MAP7D2: variants seen among roughly 807,000 people sequenced by gnomAD.
MAP7D2 encodes MAP7 domain-containing protein 2.
In MAP7D2, 33 loss-of-function variants were observed where a neutral mutation model predicts 63.5. That is an observed-to-expected ratio of 0.52 (90% CI 0.39 to 0.70). The LOEUF is 0.70. MAP7D2 is among the 30% of genes least tolerant of loss of function. MAP7D2 has a pLI of 0.00. For missense variants in MAP7D2, 626 were observed against 604.0 expected, an observed-to-expected ratio of 1.04 and a Z score of -0.38; for synonymous variants, 224 against 223.7, an observed-to-expected ratio of 1.00 and a Z score of -0.01.
chrX:20,049,408 A>G (rs2064886990), intron 6 of MAP7D2, among the ~76,000 whole-genome samples: 1 of 107,429 alleles, frequency 9.3e-6, no homozygotes, highest in Non-Finnish European at 1.9e-5. Flanking sequence ...AGTAGCTGGG[A>G]TTACAGGTGT....
chrX:20,059,961 G>C (rs2065166877), intron 3 of MAP7D2, among the ~76,000 whole-genome samples: 1 of 110,749 alleles, frequency 9.0e-6, no homozygotes. Flanking sequence ...TCAGACAGCA[G>C]TCTCTGGCAG....
chrX:20,060,428 G>GAAAGAAAGAA (rs1424524935), intron 3 of MAP7D2, among the ~76,000 whole-genome samples: 2 of 80,672 alleles, frequency 2.5e-5, no homozygotes, highest in African/African-American at 9.0e-5. Flanking sequence ...GAGAGAGAGA[G>GAAAGAAAGAA]AGAGAGAAAG....
intron 1 of MAP7D2, among the ~76,000 whole-genome samples, chrX:20,113,791 G>A (rs755787073): frequency 2.3e-4 from 26 of 111,394 alleles, no homozygotes; most frequent in Non-Finnish European, 4.1e-4. Flanking sequence ...TGCAAAACAG[G>A]TTAGCCATCC....
chrX:20,019,585 C>A (rs1339911671), intron 10 of MAP7D2, among the ~76,000 whole-genome samples: 1 of 112,030 alleles, frequency 8.9e-6, no homozygotes, highest in East Asian at 2.8e-4. Flanking sequence ...GTCACTGACA[C>A]AAACTTAAAC....
In MAP7D2 at chrX:20,049,267, T is replaced by C. The variant is rs2064880203; in HGVS notation, c.718+1557A>G. Among the ~76,000 whole-genome samples, 3 of 92,284 alleles carry C rather than the reference T, an allele frequency of 3.3e-5. No homozygotes were observed. The South Asian group carries it at 1.3e-3, about 39-fold the overall frequency. The allele number at this position is 92,284 out of a possible 115,157, so 80.1% of individuals were successfully genotyped here. ...GTTCATCCATCTTGTGGCATGTATC[T>C]GTATTTTTTTTTTTTTTTTTTTGAG... is the stretch of plus-strand genomic sequence containing the variant. On this transcript the variant is annotated intron_variant, in intron 6 of 16. Transcript: ENST00000379643.
chrX:20,094,195 G>A (rs1402023660), intron 1 of MAP7D2, among the ~76,000 whole-genome samples: 1 of 108,748 alleles, frequency 9.2e-6, no homozygotes, highest in Non-Finnish European at 1.9e-5. Flanking sequence ...AACCAGAGAA[G>A]GAACAGAAGT....
At chrX:20,020,408 C>T (rs1305541836) in intron 10 of MAP7D2, among the ~76,000 whole-genome samples, 1 of 111,912 alleles carries the variant, frequency 8.9e-6, no homozygotes, top group African/African-American at 3.2e-5. Flanking sequence ...CCTGTATCCA[C>T]TCATCTCTTC....
chrX:20,035,035 C>T (rs1248763298), intron 8 of MAP7D2, among the ~76,000 whole-genome samples: 1 of 111,559 alleles, frequency 9.0e-6, no homozygotes, highest in African/African-American at 3.3e-5. Flanking sequence ...ACCCCTCTGT[C>T]ATCTGAACCG....
At chrX:20,065,549 G>A (rs1044534751) in intron 1 of MAP7D2, among the ~76,000 whole-genome samples, 2 of 111,142 alleles carry the variant, frequency 1.8e-5, no homozygotes, top group African/African-American at 6.6e-5. Flanking sequence ...TTACAGGTGT[G>A]AGCCACCATG....
At position 20,027,758 on chromosome X, in the gene MAP7D2, GAGAGA is replaced by G. The variant is rs1351767340; in HGVS notation, c.1008-1811_1008-1807del. ...GAGAGAGGGAGAGAGAAGGCGGGGG[GAGAGA>G]GAGAGAGAGAGAGAGAGAGAGAGAG... On this transcript the variant is annotated intron_variant, in intron 8 of 16. Coordinates refer to ENST00000379643, the MANE Select transcript of MAP7D2 (RefSeq NM_001168465.2). Among the ~76,000 whole-genome samples, 99 of 38,584 alleles carry G rather than the reference GAGAGA, an allele frequency of 2.6e-3. 2 individuals are homozygous for G. Among genetic ancestry groups the G allele is most frequent in the African/African-American group, 0.025 (93 of 3,693 alleles). The allele number at this position is 38,584 out of a possible 115,157, so 33.5% of individuals were successfully genotyped here.
At position 20,016,278 on chromosome X, in the gene MAP7D2, C is replaced by T. The variant is rs747313218; in HGVS notation, c.1460G>A (p.Arg487His). Residue 487 changes from arginine to histidine, a missense_variant, in exon 11 of 17, where the codon CGC becomes CAC. By Grantham distance (29) the Arg-to-His change is conservative (BLOSUM62 0). Coordinates refer to ENST00000379643, the MANE Select transcript of MAP7D2 (RefSeq NM_001168465.2). The stretch of plus-strand genomic sequence containing the variant: ...CTGCTTTCGGGCTTCCTCTTCTAGG[C>T]GAAGCCTTTCCTCCTCTGCCTTTCT... Reference protein sequence around the residue: ...LKRKAEEERLRLEEEARKQEE... With the variant: ...LKRKAEEERLHLEEEARKQEE... The T allele has an allele frequency of 3.1e-5, 37 of 1,209,337 alleles. No individual in the cohort carries two copies. Among genetic ancestry groups the T allele is most frequent in the Middle Eastern group, 2.3e-4 (1 of 4,352 alleles).
intron 10 of MAP7D2, among the ~76,000 whole-genome samples, chrX:20,024,649 G>T (rs2148181247): frequency 8.9e-6 from 1 of 112,214 alleles, no homozygotes; most frequent in Admixed American, 9.4e-5. Flanking sequence ...TTCCCTGATA[G>T]CTCTAGGAGG....
intron 1 of MAP7D2, among the ~76,000 whole-genome samples, chrX:20,091,332 A>C (rs1402260079): frequency 9.5e-6 from 1 of 104,807 alleles, no homozygotes; most frequent in African/African-American, 3.5e-5. Context: ...GGATTGTAGG[A>C]GTGAGCCACC....
At position 20,010,913 on chromosome X, in the gene MAP7D2, T is replaced by A. The variant is rs2073177607; in HGVS notation, c.2212A>T (p.Thr738Ser). 1.7e-6 allele frequency: 2 copies of A among 1,211,328 alleles called. No homozygotes were observed. Among genetic ancestry groups the A allele is most frequent in the East Asian group, 5.9e-5 (2 of 33,838 alleles). ...QDLLDFTGPP[T>S]FPKRSSENLS... ...TTTTCACTGGATCTCTTGGGGAATG[T>A]CGGGGGACCAGTGAAATCTAAGAGA... Residue 738 changes from threonine (T) to serine (S), a missense_variant, in exon 16 of 17, where the codon ACA (threonine) becomes TCA (serine). Transcript: ENST00000379643.
At chrX:20,018,005 T>C (rs2073472207) in intron 10 of MAP7D2, among the ~76,000 whole-genome samples, 2 of 106,206 alleles carry the variant, frequency 1.9e-5, no homozygotes, top group Admixed American at 1.0e-4. Context: ...TCACTGTTGT[T>C]GCCCAGGTTG....
intron 6 of MAP7D2, among the ~76,000 whole-genome samples, chrX:20,048,668 G>A (rs1041166015): frequency 9.0e-6 from 1 of 110,708 alleles, no homozygotes; most frequent in Non-Finnish European, 1.9e-5. Flanking sequence ...GCTCATACCT[G>A]TAATCCTAGA....
chrX:20,035,912 CAA>C (rs1301734003), intron 8 of MAP7D2, among the ~76,000 whole-genome samples: 55 of 78,264 alleles, frequency 7.0e-4, no homozygotes, highest in African/African-American at 2.2e-3. Flanking sequence ...GACTCCGTCT[CAA>C]AAAAAATATA....
At chrX:20,079,538 T>C (rs1399635842) in intron 1 of MAP7D2, among the ~76,000 whole-genome samples, 1 of 111,806 alleles carries the variant, frequency 8.9e-6, no homozygotes, top group Non-Finnish European at 1.9e-5. Flanking sequence ...CATTCATAGA[T>C]AAAGCTCAGC....
chrX:20,102,639 C>T (rs1366841842), intron 1 of MAP7D2, among the ~76,000 whole-genome samples: 2 of 110,351 alleles, frequency 1.8e-5, no homozygotes, highest in African/African-American at 6.6e-5. Context: ...CCTGGACGGA[C>T]GGACAGAGAT....
Sources: allele counts gnomAD v4.1 joint callset (sites outside exome capture counted in the v4.1 genomes callset), GRCh38; gene constraint gnomAD v4.1.1; transcripts MANE v1.5; gene names NCBI Gene and HGNC (gene_info 2026-07-23, HGNC 2026-07-21).